The following ZNF229 variants were observed in gnomAD, a reference collection of about 807,000 sequenced individuals.
ZNF229 encodes the protein zinc finger protein 229.
Under a neutral mutation model 11.8 loss-of-function variants are expected in ZNF229, and 10 were observed. That is an observed-to-expected ratio of 0.85 (90% CI 0.52 to 1.44). The LOEUF (loss-of-function observed/expected upper bound fraction) is 1.44. Among genes scored for constraint, ZNF229 ranks in the 40% most tolerant of loss-of-function variants. The probability of loss-of-function intolerance (pLI) is 0.00; values close to 1 mark genes in which losing one functional copy is unlikely to be tolerated. For missense variants in ZNF229, 1,045 were observed against 1,015.1 expected, an observed-to-expected ratio of 1.03 and a Z score of -0.40; for synonymous variants, 368 against 374.8, an observed-to-expected ratio of 0.98 and a Z score of 0.21.
Position 44,448,313 on chromosome 19 carries a change from C to G in ZNF229, c.-270G>C, listed in dbSNP as rs1441403807. 6.6e-6 allele frequency: 1 copy of G among 152,350 alleles called. No individual in the cohort carries two copies. Among genetic ancestry groups the G allele is most frequent in the Non-Finnish European group, 1.5e-5 (1 of 68,126 alleles). 9.4% of individuals were successfully genotyped at this position (152,350 alleles called of 1,614,324 possible). A position where few individuals can be genotyped will look rare whatever the true frequency, so the allele number is the denominator to read the frequency against. On this transcript the variant is annotated 5_prime_UTR_variant, in exon 1 of 6. Transcript: ENST00000614049. ...CTCCTTACACCCCTGCCTCACCAGGCCGAGCTCATGGAAATCCGTGGGCTT... is the reference window on the plus strand; with the variant it reads ...CTCCTTACACCCCTGCCTCACCAGGGCGAGCTCATGGAAATCCGTGGGCTT...
At chr19:44,437,122 T>C (rs150797552) in intron 4 of ZNF229, among the ~76,000 whole-genome samples, 14 of 152,208 alleles carry the variant, frequency 9.2e-5, no homozygotes, top group African/African-American at 3.4e-4. Context: ...ATTACAGTTA[T>C]ACTAGGGATA....
intron 4 of ZNF229, among the ~76,000 whole-genome samples, chr19:44,433,743 T>A (rs780087906): frequency 1.3e-5 from 2 of 152,006 alleles, no homozygotes; most frequent in Non-Finnish European, 2.9e-5. Context: ...TCACCCAGTC[T>A]CGGGTTTTTG....
At chr19:44,442,782 T>TA in intron 3 of ZNF229, 32 bp downstream of exon 3, 6 of 1,545,188 alleles carry the variant, frequency 3.9e-6, no homozygotes, top group South Asian at 1.1e-5. Flanking sequence ...GTTTGGATTC[T>TA]CCCCCCACCC....
chr19:44,429,112 A>G lies in ZNF229; in HGVS notation c.1669T>C (p.Ser557Pro), dbSNP rs776119714. The G allele has an allele frequency of 6.2e-7, 1 of 1,610,184 alleles. No homozygotes were observed. Among genetic ancestry groups the G allele is most frequent in the Non-Finnish European group, 8.5e-7 (1 of 1,179,144 alleles). ...CECGKSFGRS[S>P]DLHIHQRVHT... ...ACCCTCTGATGGATGTGGAGGTCGGAGCTCCGGCCAAAGCTCTTCCCGCAC... is the reference window on the plus strand; with the variant it reads ...ACCCTCTGATGGATGTGGAGGTCGGGGCTCCGGCCAAAGCTCTTCCCGCAC... Residue 557 changes from serine (S) to proline (P), a missense_variant, in exon 6 of 6, where the codon TCC (serine) becomes CCC (proline). Ser to Pro is a moderately conservative substitution (Grantham distance 74). Coordinates refer to ENST00000614049, the MANE Select transcript of ZNF229 (RefSeq NM_014518.4).
chr19:44,432,777 A>C (rs1971748622), intron 4 of ZNF229, among the ~76,000 whole-genome samples: 1 of 152,042 alleles, frequency 6.6e-6, no homozygotes, highest in Admixed American at 6.5e-5. Flanking sequence ...CCAACACGGC[A>C]CATGTATACA....
At chr19:44,438,296 T>A (rs1971848741) in intron 4 of ZNF229, among the ~76,000 whole-genome samples, 1 of 152,238 alleles carries the variant, frequency 6.6e-6, no homozygotes, top group African/African-American at 2.4e-5. Flanking sequence ...AAAGTGCTTA[T>A]CATGTTTACA....
chr19:44,433,945 T>C (rs1035600579), intron 4 of ZNF229, among the ~76,000 whole-genome samples: 1 of 152,120 alleles, frequency 6.6e-6, no homozygotes, highest in African/African-American at 2.4e-5. Flanking sequence ...TTTTTTGTAT[T>C]TTTAATACAG....
In ZNF229 at chr19:44,429,779, C is replaced by A; in HGVS notation, c.1002G>T (p.Thr334=). Residue 334 remains threonine (T), a synonymous_variant, in exon 6 of 6, where the codon ACG becomes ACT. Transcript: ENST00000614049. Reference sequence around the variant, plus strand: ...GGGCTCTGGGGTGGTTACGTATGTGCGTGTTCTGTCTGACGCCCCGACCAC... The same window carrying A: ...GGGCTCTGGGGTGGTTACGTATGTGAGTGTTCTGTCTGACGCCCCGACCAC... ...LERGRGVRQN[T]HIRNHPRAPV... 1.2e-6 allele frequency: 2 copies of A among 1,614,058 alleles called. No individual in the cohort carries two copies. The highest frequency in any genetic ancestry group is 2.2e-5 in the South Asian group (2 of 91,080).
At chr19:44,438,283 G>A (rs1029882510) in intron 4 of ZNF229, among the ~76,000 whole-genome samples, 20 of 152,148 alleles carry the variant, frequency 1.3e-4, no homozygotes, top group Admixed American at 9.8e-4. Context: ...ATATACATAT[G>A]AAAAAGTGCT....
chr19:44,436,969 T>G (rs1204876168), intron 4 of ZNF229, among the ~76,000 whole-genome samples: 1 of 151,852 alleles, frequency 6.6e-6, no homozygotes, highest in East Asian at 1.9e-4. Context: ...TAAATATATA[T>G]ATATTTACAC....
In ZNF229 at chr19:44,430,449, T is replaced by C. The variant is rs1971701499; in HGVS notation, c.332A>G (p.Glu111Gly). Residue 111 changes from glutamate to glycine, a missense_variant, in exon 6 of 6, where the codon GAG (glutamate) becomes GGG (glycine). Coordinates refer to ENST00000614049, the MANE Select transcript of ZNF229 (RefSeq NM_014518.4). ...KELSSCKIWE[E>G]VAGELPGSQD... Reference sequence around the variant, plus strand: ...GCTCCCAGGTAATTCACCTGCCACCTCTTCCCAGATTTTGCATGAGGAGAG... The same window carrying C: ...GCTCCCAGGTAATTCACCTGCCACCCCTTCCCAGATTTTGCATGAGGAGAG... 1 of 1,614,040 alleles carries C rather than the reference T, an allele frequency of 6.2e-7. No homozygotes were observed. The highest frequency in any genetic ancestry group is 1.7e-5 in the Admixed American group (1 of 59,998).
Position 44,442,490 on chromosome 19 carries a change from T to C in ZNF229, c.93+73A>G, listed in dbSNP as rs368618037. On this transcript the variant is annotated intron_variant, in intron 4 of 5. Coordinates refer to ENST00000614049, the MANE Select transcript of ZNF229 (RefSeq NM_014518.4). ...ATACATTTTTCGCTCTTTTTCCTTTTACCGAGAAGGGACGTATGTTTTCTC... is the reference window on the plus strand; with the variant it reads ...ATACATTTTTCGCTCTTTTTCCTTTCACCGAGAAGGGACGTATGTTTTCTC... 154 of 1,530,692 alleles carry C rather than the reference T, an allele frequency of 1.0e-4. 1 individual carries two copies. In the East Asian group the frequency reaches 1.6e-3, roughly 15 times the overall value. 94.8% of individuals were successfully genotyped at this position (1,530,692 alleles called of 1,614,324 possible). A position where few individuals can be genotyped will look rare whatever the true frequency, so the allele number is the denominator to read the frequency against.
chr19:44,428,686 G>T lies in ZNF229; in HGVS notation c.2095C>A (p.Leu699Ile), dbSNP rs1162696266. The T allele has an allele frequency of 6.2e-7, 1 of 1,613,950 alleles. No homozygotes were observed. Residue 699 changes from leucine to isoleucine, a missense_variant, in exon 6 of 6, where the codon CTT becomes ATT. Leu to Ile is a conservative substitution (Grantham distance 5). Coordinates refer to ENST00000614049, the MANE Select transcript of ZNF229 (RefSeq NM_014518.4). ...CGKGFSYGSNLRTHQRLHTGE... is the reference protein window; with the variant it reads ...CGKGFSYGSNIRTHQRLHTGE... ...GTGTGCAACCTCTGGTGGGTGCGAAGATTAGAGCCATAACTGAATCCCTTG... is the reference window on the plus strand; with the variant it reads ...GTGTGCAACCTCTGGTGGGTGCGAATATTAGAGCCATAACTGAATCCCTTG...
chr19:44,442,663 C>G (rs1012795299), intron 3 of ZNF229, 42 bp from the exon 4 acceptor site: 3 of 1,611,308 alleles, frequency 1.9e-6, no homozygotes, highest in Non-Finnish European at 2.5e-6. Context: ...GTTGGTGCTG[C>G]CTGAAGCTCT....
chr19:44,434,914 G>C (rs966186725), intron 4 of ZNF229, among the ~76,000 whole-genome samples: 1 of 152,032 alleles, frequency 6.6e-6, no homozygotes. Flanking sequence ...TTGAATCATG[G>C]GGGGTGGGTC....
intron 4 of ZNF229, among the ~76,000 whole-genome samples, chr19:44,434,287 T>C (rs1262659107): frequency 6.6e-6 from 1 of 152,136 alleles, no homozygotes; most frequent in African/African-American, 2.4e-5. Context: ...TTCACTACCC[T>C]TCCATCACCA....
chr19:44,428,672 C>T lies in ZNF229; in HGVS notation c.2109G>A (p.Gln703=). 1 of 1,614,016 alleles carries T rather than the reference C, an allele frequency of 6.2e-7. No individual in the cohort carries two copies. Among genetic ancestry groups the T allele is most frequent in the Middle Eastern group, 1.6e-4 (1 of 6,062 alleles). The change falls in exon 6 of 6, where the codon CAG becomes CAA. Residue 703 remains glutamine, a synonymous_variant. Coordinates refer to ENST00000614049, the MANE Select transcript of ZNF229 (RefSeq NM_014518.4). The stretch of plus-strand genomic sequence containing the variant: ...AGGGTTTCTCTCCTGTGTGCAACCT[C>T]TGGTGGGTGCGAAGATTAGAGCCAT... ...FSYGSNLRTH[Q]RLHTGEKPYT...
At chr19:44,430,661 CTATTAGAGCACTTATGTTTA>C (rs1476195179) in intron 5 of ZNF229, 119 bp from the exon 6 acceptor site, 12 of 898,882 alleles carry the variant, frequency 1.3e-5, no homozygotes, top group Non-Finnish European at 1.9e-5. Flanking sequence ...TGTATCATAA[CTATTAGAGCACTTATGTTTA>C]TGACAAGAGG....
chr19:44,445,057 A>G (rs1258976072), intron 2 of ZNF229, among the ~76,000 whole-genome samples: 1 of 152,216 alleles, frequency 6.6e-6, no homozygotes, highest in East Asian at 1.9e-4. Flanking sequence ...TTCAAAAGAA[A>G]AGTCCAGATT....
Sources: allele counts gnomAD v4.1 joint callset (sites outside exome capture counted in the v4.1 genomes callset), GRCh38; gene constraint gnomAD v4.1.1; transcripts MANE v1.5; gene names NCBI Gene and HGNC (gene_info 2026-07-23, HGNC 2026-07-21).